Variants in CEP152 observed in about 807,000 individuals in gnomAD.
The protein encoded by CEP152 is centrosomal protein 152, also known as centrosomal protein of 152 kDa.
In CEP152, 132 loss-of-function variants were observed where a neutral mutation model predicts 188.9. The ratio of observed to expected loss-of-function variants is 0.70; its 90% CI spans 0.61 to 0.81. The LOEUF (loss-of-function observed/expected upper bound fraction) is 0.81. CEP152 is among the 30% of genes least tolerant of loss of function. The probability of loss-of-function intolerance (pLI) is 0.00; values close to 1 mark genes in which losing one functional copy is unlikely to be tolerated. For synonymous variants in CEP152, 649 were observed against 666.6 expected, an observed-to-expected ratio of 0.97 and a Z score of 0.41; for missense variants, 1,914 against 1,969.8, an observed-to-expected ratio of 0.97 and a Z score of 0.54.
intron 2 of CEP152, among the ~76,000 whole-genome samples, chr15:48,803,974 A>G (rs554650036): frequency 2.6e-5 from 4 of 152,330 alleles, no homozygotes; most frequent in Admixed American, 6.5e-5. Context: ...CCTTGCCACA[A>G]TTGTTGTGAG....
At chr15:48,769,206 T>C in intron 13 of CEP152, 125 bp from the exon 14 acceptor site, 1 of 718,062 alleles carries the variant, frequency 1.4e-6, no homozygotes, top group East Asian at 2.8e-5. Flanking sequence ...TTTACTCATC[T>C]TCCCCCAATA....
intron 20 of CEP152, among the ~76,000 whole-genome samples, chr15:48,753,215 T>G (rs1356585645): frequency 2.0e-5 from 3 of 152,214 alleles, no homozygotes; most frequent in Non-Finnish European, 4.4e-5. Flanking sequence ...CTCAGCTCAC[T>G]GCAACCTCCA....
chr15:48,777,667 AT>A (rs1051237381), intron 12 of CEP152, among the ~76,000 whole-genome samples: 4 of 152,188 alleles, frequency 2.6e-5, no homozygotes, highest in Admixed American at 1.3e-4. Flanking sequence ...AACCACTTCT[AT>A]TTCCATTGAA....
rs778107317 is a variant in CEP152 at position 48,782,176 on chromosome 15, G to A, written c.1376C>T (p.Ala459Val). ...LQFQLQQAQK[A>V]HAMSANMNKA... ...GTTCATGTTTGCACTCATAGCATGTGCCTTCTGTGCTTGCTGCAGCTGGAA... is the reference window on the plus strand; with the variant it reads ...GTTCATGTTTGCACTCATAGCATGTACCTTCTGTGCTTGCTGCAGCTGGAA... The change falls in exon 11 of 27, where the codon GCA becomes GTA. Residue 459 changes from alanine (A) to valine (V), a missense_variant. Ala to Val is a moderately conservative substitution (Grantham distance 64). Coordinates refer to ENST00000380950, the MANE Select transcript of CEP152 (RefSeq NM_001194998.2). 2 of 1,613,812 alleles carry A rather than the reference G, an allele frequency of 1.2e-6. No individual in the cohort carries two copies. Among genetic ancestry groups the A allele is most frequent in the African/African-American group, 2.7e-5 (2 of 74,924 alleles).
Position 48,793,352 on chromosome 15 carries a change from T to C in CEP152, c.801A>G (p.Arg267=), listed in dbSNP as rs755374865. The C allele has an allele frequency of 4.3e-6, 7 of 1,613,934 alleles. No individual in the cohort carries two copies. The highest frequency in any genetic ancestry group is 5.1e-6 in the Non-Finnish European group (6 of 1,179,980). Reference sequence around the variant, plus strand: ...TTATTACAAGCTGGTGATTCAGATATCGAATTTGACGTTCACTTTCATTTA... The same window carrying C: ...TTATTACAAGCTGGTGATTCAGATACCGAATTTGACGTTCACTTTCATTTA... ...EKLNESERQI[R]YLNHQLVIIK... is the part of the protein sequence containing the mutation. The change falls in exon 7 of 27, where the codon CGA becomes CGG. Residue 267 remains arginine (R), a synonymous_variant. Coordinates refer to ENST00000380950, the MANE Select transcript of CEP152 (RefSeq NM_001194998.2).
intron 12 of CEP152, among the ~76,000 whole-genome samples, chr15:48,780,535 T>TAA (rs1013100776): frequency 6.6e-6 from 1 of 152,196 alleles, no homozygotes; most frequent in African/African-American, 2.4e-5. Flanking sequence ...AACTCCATCT[T>TAA]AAACTATAAA....
At chr15:48,747,264 C>T (rs1401440384) in intron 22 of CEP152, among the ~76,000 whole-genome samples, 1 of 152,172 alleles carries the variant, frequency 6.6e-6, no homozygotes, top group Non-Finnish European at 1.5e-5. Context: ...ACAAAATAAA[C>T]TTATTAACCT....
intron 21 of CEP152, among the ~76,000 whole-genome samples, chr15:48,751,582 C>A (rs1226879497): frequency 6.6e-6 from 1 of 152,080 alleles, no homozygotes; most frequent in African/African-American, 2.4e-5. Flanking sequence ...GTATGACTGG[C>A]CTTGGCAATT....
Position 48,755,981 on chromosome 15 carries a change from T to C in CEP152, c.3267A>G (p.Lys1089=), listed in dbSNP as rs1020780910. The C allele has an allele frequency of 3.5e-5, 56 of 1,613,954 alleles. No homozygotes were observed. The highest frequency in any genetic ancestry group is 4.5e-5 in the Non-Finnish European group (53 of 1,179,976). The change falls in exon 20 of 27, where the codon AAA becomes AAG. Residue 1089 remains lysine (K), a synonymous_variant. Transcript: ENST00000380950. ...ATGCTTTCTGTATGCAGCCCTTTAG[T>C]TTTTCAAAATATTGCACAGACATCC... is the stretch of plus-strand genomic sequence containing the variant. ...SKWMSVQYFE[K]LKGCIQKAFQ... is the part of the protein sequence containing the mutation.
At chr15:48,730,145 G>A (rs551659480) in intron 2 of CEP152, among the ~76,000 whole-genome samples, 1 of 152,294 alleles carries the variant, frequency 6.6e-6, no homozygotes, top group African/African-American at 2.4e-5. Context: ...CTTACCAGGG[G>A]CTGCTCCCAT....
chr15:48,788,331 T>C (rs1401367309), intron 9 of CEP152, among the ~76,000 whole-genome samples: 2 of 140,814 alleles, frequency 1.4e-5, no homozygotes, highest in Non-Finnish European at 3.1e-5. Flanking sequence ...GGCTTCTTTT[T>C]TTTTTTTTTT....
rs1475513766 is a variant in CEP152, at chr15:48,788,932, G to A, written c.1042C>T (p.His348Tyr). The A allele has an allele frequency of 6.2e-7, 1 of 1,614,038 alleles. No individual in the cohort carries two copies. The highest frequency in any genetic ancestry group is 1.3e-5 in the African/African-American group (1 of 74,926). ...CTAGCTCGTTGAAGTGATTCAGAAT[G>A]ATGAAGGTCCACCAGCTGCTGCTTC... ...SLKQQLVDLH[H>Y]SESLQRAREQ... Residue 348 changes from histidine (H) to tyrosine (Y), a missense_variant, in exon 9 of 27, where the codon CAT becomes TAT. By Grantham distance (83) the His-to-Tyr change is moderately conservative. Coordinates refer to ENST00000380950, the MANE Select transcript of CEP152 (RefSeq NM_001194998.2).
intron 20 of CEP152, 46 bp from the exon 21 acceptor site, chr15:48,752,515 T>A (rs142727707): frequency 1.9e-6 from 3 of 1,593,880 alleles, no homozygotes; most frequent in Non-Finnish European, 2.6e-6. Flanking sequence ...AAAATCTTTA[T>A]ACAATTTTAT....
chr15:48,789,104 C>T (rs1025544929), intron 8 of CEP152, 103 bp from the exon 9 acceptor site: 8 of 1,096,950 alleles, frequency 7.3e-6, no homozygotes, highest in Non-Finnish European at 1.1e-5. Context: ...AAAACTCAAG[C>T]ATGTTTTAAT....
chr15:48,780,672 C>T (rs1896185377), intron 12 of CEP152, among the ~76,000 whole-genome samples: 1 of 152,222 alleles, frequency 6.6e-6, no homozygotes, highest in Non-Finnish European at 1.5e-5. Flanking sequence ...TAAATCCCAC[C>T]TCTATACATC....
rs370060756 is a variant in CEP152 at position 48,793,259 on chromosome 15, G to C, written c.832+62C>G. The C allele has an allele frequency of 6.3e-6, 10 of 1,588,718 alleles. 1 individual carries two copies. The East Asian group carries it at 9.0e-5, about 14-fold the overall frequency. On this transcript the variant is annotated intron_variant, in intron 7 of 26. Transcript: ENST00000380950. ...CTCTAAGCTTCGTATGTAATCTGAG[G>C]TTATTGGAAACAAGATATCTAACTC... is the stretch of plus-strand genomic sequence containing the variant.
chr15:48,758,087 T>C (rs1234629113), intron 19 of CEP152, among the ~76,000 whole-genome samples: 2 of 152,208 alleles, frequency 1.3e-5, no homozygotes, highest in Non-Finnish European at 2.9e-5. Context: ...CCAGGGCCCA[T>C]ACAAAACAAA....
intron 9 of CEP152, among the ~76,000 whole-genome samples, chr15:48,785,406 T>TCTCAAG (rs144572205): frequency 0.035 from 5,321 of 152,196 alleles, 114 homozygotes; most frequent in Middle Eastern, 0.048. Flanking sequence ...TGCTGCGAAT[T>TCTCAAG]CCAGGCCAGC....
chr15:48,760,419 A>G (rs1293554512), intron 18 of CEP152, among the ~76,000 whole-genome samples, 153 bp from the exon 19 acceptor site: 3 of 152,236 alleles, frequency 2.0e-5, no homozygotes, highest in Non-Finnish European at 2.9e-5. Context: ...TATCCCAAAC[A>G]GTGGATTCTA....
Sources: gnomAD v4.1 joint callset for allele counts (sites outside exome capture counted in the v4.1 genomes callset) on GRCh38, gnomAD v4.1.1 for gene constraint, MANE v1.5 for transcripts, NCBI Gene and HGNC (gene_info 2026-07-23, HGNC 2026-07-21) for gene names.